The following MFAP1 variants were observed in gnomAD, a reference collection of about 807,000 sequenced individuals.
MFAP1 encodes microfibril associated protein 1.
MFAP1 carries 18 observed loss-of-function variants against 62.2 expected under a neutral mutation model. The ratio of observed to expected loss-of-function variants is 0.29; its 90% CI spans 0.20 to 0.43. The LOEUF (loss-of-function observed/expected upper bound fraction) is 0.43. Ranked by LOEUF, MFAP1 falls within the 20% of genes least tolerant of loss-of-function variation. The pLI is 1.00. For synonymous variants in MFAP1, 175 were observed against 180.4 expected (o/e 0.97, Z 0.24); for missense variants, 355 against 559.7 (o/e 0.63, Z 3.69).
chr15:43,806,646 G>A (rs187086807), intron 7 of MFAP1, among the ~76,000 whole-genome samples: 4 of 152,260 alleles, frequency 2.6e-5, no homozygotes, highest in East Asian at 1.9e-4. Context: ...AGGCCAAGGC[G>A]GGCGGATCAC....
intron 6 of MFAP1, among the ~76,000 whole-genome samples, chr15:43,811,872 A>G (rs563513419): frequency 6.6e-6 from 1 of 151,876 alleles, no homozygotes; most frequent in Admixed American, 6.6e-5. Context: ...AGTAATTTAC[A>G]GGAATGAGTG....
intron 2 of MFAP1, among the ~76,000 whole-genome samples, 192 bp from the exon 3 acceptor site, chr15:43,815,266 G>A (rs2087427393): frequency 6.6e-6 from 1 of 151,358 alleles, no homozygotes; most frequent in African/African-American, 2.4e-5. Flanking sequence ...TGCCACCTCT[G>A]CCTCCCAGAC....
chr15:43,821,009 G>A (rs565470706), intron 1 of MFAP1, among the ~76,000 whole-genome samples: 1 of 152,132 alleles, frequency 6.6e-6, no homozygotes, highest in Non-Finnish European at 1.5e-5. Context: ...GGGCTAAAGT[G>A]AGCCTCCCTC....
intron 1 of MFAP1, among the ~76,000 whole-genome samples, chr15:43,823,268 A>C (rs2930530): frequency 6.6e-6 from 1 of 151,994 alleles, no homozygotes; most frequent in Admixed American, 6.6e-5. Flanking sequence ...TTACAGGTGT[A>C]AGCCACTGTG....
chr15:43,812,782 G>T (rs2087409839), intron 6 of MFAP1, among the ~76,000 whole-genome samples: 1 of 152,162 alleles, frequency 6.6e-6, no homozygotes, highest in African/African-American at 2.4e-5. Flanking sequence ...CTCTATTATG[G>T]ACACACATCG....
At chr15:43,811,486 T>C (rs2087400803) in intron 6 of MFAP1, among the ~76,000 whole-genome samples, 1 of 149,830 alleles carries the variant, frequency 6.7e-6, no homozygotes, top group Non-Finnish European at 1.5e-5. Context: ...GTGTAGCTCA[T>C]ACTCAGGCAA....
At chr15:43,805,813 C>T (rs1486977410) in intron 7 of MFAP1, among the ~76,000 whole-genome samples, 1 of 151,966 alleles carries the variant, frequency 6.6e-6, no homozygotes, top group Non-Finnish European at 1.5e-5. Context: ...GGAGTTTCAC[C>T]GTGTTAGCCC....
chr15:43,805,534 ACT>A lies in MFAP1; in HGVS notation c.1048-71_1048-70del, dbSNP rs1256785935. ...TATATTCAAACCACAAATTTATTAA[ACT>A]CTACAATAAGGGATACAGAGAAAGC... On this transcript the variant is annotated intron_variant, in intron 7 of 8. Transcript: ENST00000267812. 4 of 1,276,316 alleles carry A rather than the reference ACT, an allele frequency of 3.1e-6. No homozygotes were observed. In the East Asian group the frequency reaches 9.7e-5, roughly 31 times the overall value. 79.1% of individuals were successfully genotyped at this position (1,276,316 alleles called of 1,614,324 possible).
At chr15:43,820,326 AAAC>A (rs1244294616) in intron 1 of MFAP1, among the ~76,000 whole-genome samples, 11 of 152,214 alleles carry the variant, frequency 7.2e-5, no homozygotes, top group East Asian at 3.9e-4. Context: ...CAAAAAAAAC[AAAC>A]AACAACAACA....
chr15:43,814,471 GGA>G (rs747910534), intron 4 of MFAP1, 28 bp downstream of exon 4: 19 of 1,565,514 alleles, frequency 1.2e-5, no homozygotes, highest in Non-Finnish European at 1.6e-5. Flanking sequence ...GTAATTAAGT[GGA>G]TTCAGATCTG....
chr15:43,817,469 A>C (rs779519356), intron 1 of MFAP1, 21 bp from the exon 2 acceptor site: 15 of 1,612,714 alleles, frequency 9.3e-6, no homozygotes, highest in Middle Eastern at 1.6e-4. Flanking sequence ...AAGGTAACTT[A>C]TGTTTCAGTA....
chr15:43,808,084 G>A (rs35822148), intron 7 of MFAP1, among the ~76,000 whole-genome samples: 1 of 152,166 alleles, frequency 6.6e-6, no homozygotes, highest in African/African-American at 2.4e-5. Context: ...AGGCAGCAGT[G>A]AGCCATGACT....
intron 2 of MFAP1, among the ~76,000 whole-genome samples, chr15:43,816,229 T>C (rs1400263743): frequency 7.1e-6 from 1 of 140,822 alleles, no homozygotes; most frequent in Non-Finnish European, 1.5e-5. Flanking sequence ...TGTAATTTTA[T>C]TTTTTTTTCT....
chr15:43,806,067 C>T (rs1396200350), intron 7 of MFAP1, among the ~76,000 whole-genome samples: 1 of 151,346 alleles, frequency 6.6e-6, no homozygotes, highest in Non-Finnish European at 1.5e-5. Flanking sequence ...AAACGATGCT[C>T]TCACCTCAGC....
chr15:43,819,383 C>T (rs886331947), intron 1 of MFAP1, among the ~76,000 whole-genome samples: 1 of 152,144 alleles, frequency 6.6e-6, no homozygotes, highest in Non-Finnish European at 1.5e-5. Context: ...CTCAAGTGAT[C>T]CTCCAGCCTC....
intron 6 of MFAP1, among the ~76,000 whole-genome samples, chr15:43,812,121 C>T (rs946811005): frequency 2.0e-5 from 3 of 149,910 alleles, no homozygotes; most frequent in East Asian, 2.0e-4. Context: ...ACCTGGCAGG[C>T]GGAGGCTGCA....
Position 43,805,188 on chromosome 15 carries a change from T to C in MFAP1, c.1226A>G (p.Glu409Gly). ...GAAGAACTTTGTGTTCTGGGCACTC[T>C]CTTGGCCCCAAGCTGAGTCAAAGGA... is the stretch of plus-strand genomic sequence containing the variant. ...TTSFDSAWGQ[E>G]SAQNTKFFKQ... is the part of the protein sequence containing the mutation. Residue 409 changes from glutamate (E) to glycine (G), a missense_variant, in exon 9 of 9, where the codon GAG becomes GGG. Physicochemically the swap from Glu to Gly is moderately conservative, Grantham distance 98 (BLOSUM62 -2). This residue lies in a region of MFAP1 where 44 missense variants were observed against 80.8 expected (regional missense o/e 0.54). Transcript: ENST00000267812. 1 of 1,604,018 alleles carries C rather than the reference T, an allele frequency of 6.2e-7. No individual in the cohort carries two copies. The highest frequency in any genetic ancestry group is 8.5e-7 in the Non-Finnish European group (1 of 1,171,340).
rs1463876766 is a variant in MFAP1 at position 43,814,564 on chromosome 15, T to C, written c.554A>G (p.Tyr185Cys). The C allele has an allele frequency of 8.1e-6, 13 of 1,614,106 alleles. No homozygotes were observed. Among genetic ancestry groups the C allele is most frequent in the Non-Finnish European group, 1.1e-5 (13 of 1,180,046 alleles). The change falls in exon 4 of 9, where the codon TAT becomes TGT. Residue 185 changes from tyrosine (Y) to cysteine (C), a missense_variant. Physicochemically the swap from Tyr to Cys is radical, Grantham distance 194. Coordinates refer to ENST00000267812, the MANE Select transcript of MFAP1 (RefSeq NM_005926.3). ...ATCTTCACTGTCTGTGTACTCTTCA[T>C]ACTCAGACTCTGATTCTGACTCCTC... ...SGEESESESEYEEYTDSEDEM... is the reference protein window; with the variant it reads ...SGEESESESECEEYTDSEDEM...
rs1373975559 is a variant in MFAP1 at position 43,812,874 on chromosome 15, G to C, written c.887+113C>G. The stretch of plus-strand genomic sequence containing the variant: ...TTATAGGAAACTCACAAAGCAACAA[G>C]AACTCTGAAGGTGGCTAGAATGGAA... On this transcript the variant is annotated intron_variant, in intron 6 of 8. Coordinates refer to ENST00000267812, the MANE Select transcript of MFAP1 (RefSeq NM_005926.3). The C allele has an allele frequency of 8.0e-6, 10 of 1,242,310 alleles. No individual in the cohort carries two copies. In the East Asian group the frequency reaches 2.1e-4, roughly 26 times the overall value. The allele number at this position is 1,242,310 out of a possible 1,614,324, so 77.0% of individuals were successfully genotyped here. A position where few individuals can be genotyped will look rare whatever the true frequency, so the allele number is the denominator to read the frequency against.
Sources: allele counts gnomAD v4.1 joint callset (sites outside exome capture counted in the v4.1 genomes callset), GRCh38; gene constraint gnomAD v4.1.1; regional missense constraint gnomAD v4.1.1; transcripts MANE v1.5; gene names NCBI Gene and HGNC (gene_info 2026-07-23, HGNC 2026-07-21).